Variants in KCNA2 observed in about 807,000 individuals in gnomAD.
KCNA2 encodes the protein potassium channel, voltage gated shaker related subfamily A, member 2.
KCNA2 carries 11 observed loss-of-function variants against 33.4 expected under a neutral mutation model. The observed-to-expected ratio is 0.33, with a 90% CI of 0.21 to 0.55. The LOEUF is 0.55. Ranked by LOEUF, KCNA2 falls within the 20% of genes least tolerant of loss-of-function variation. The pLI, the probability that KCNA2 is intolerant of heterozygous loss-of-function variation, is 0.93. For missense variants in KCNA2, 291 were observed against 621.6 expected, an observed-to-expected ratio of 0.47 and a Z score of 5.66; for synonymous variants, 222 against 231.3, an observed-to-expected ratio of 0.96 and a Z score of 0.37.
chr1:110,601,189 G>C lies in KCNA2; in HGVS notation c.*2094C>G, dbSNP rs1297349849. ...AGCAGCTCTGGTTGCCAGTTTAATG[G>C]GGAGAGAGTTTGGGTCTGGAGATCA... On this transcript the variant is annotated 3_prime_UTR_variant, in exon 3 of 3. Transcript: ENST00000316361. 10 of 985,284 alleles carry C rather than the reference G, an allele frequency of 1.0e-5. No individual in the cohort carries two copies. The highest frequency in any genetic ancestry group is 6.2e-5 in the Admixed American group (1 of 16,258). 61.0% of individuals were successfully genotyped at this position (985,284 alleles called of 1,614,324 possible). A position where few individuals can be genotyped will look rare whatever the true frequency, so the allele number is the denominator to read the frequency against.
At chr1:110,612,973 C>T (rs4839542) in intron 1 of KCNA2, among the ~76,000 whole-genome samples, 29,736 of 152,172 alleles carry the variant, frequency 0.2, 2,910 homozygotes, top group South Asian at 0.22. Flanking sequence ...CTCTCTGAGT[C>T]TCAGGTTCCA....
In KCNA2 at chr1:110,593,797, CCTA is replaced by C. The variant is rs1648968023; in HGVS notation, c.*9483_*9485del. ...TATAACCTATGTACAAATATCAGAC[CCTA>C]CTGACACAGGAACTCTCAGCTGCAG... On this transcript the variant is annotated 3_prime_UTR_variant, in exon 3 of 3. Transcript: ENST00000316361. The C allele has an allele frequency of 5.5e-6, 8 of 1,462,258 alleles. No homozygotes were observed. The highest frequency in any genetic ancestry group is 6.5e-6 in the Non-Finnish European group (7 of 1,075,486). The allele number at this position is 1,462,258 out of a possible 1,614,324, so 90.6% of individuals were successfully genotyped here.
At chr1:110,610,594 T>C (rs1266204712), upstream of KCNA2, among the ~76,000 whole-genome samples, 2 of 152,218 alleles carry the variant, frequency 1.3e-5, no homozygotes, top group Non-Finnish European at 1.5e-5. Context: ...AGCTGGTTAG[T>C]AGTGAGGCTG....
At chr1:110,631,429 A>G (rs1650558164) in exon 1 of KCNA2, 2 of 152,288 alleles carry the variant, frequency 1.3e-5, no homozygotes, top group African/African-American at 4.8e-5. Context: ...CTCCTGCAGA[A>G]GTCTTGGCGC....
Position 110,602,281 on chromosome 1 carries a change from A to G in KCNA2, c.*1002T>C, listed in dbSNP as rs1002100049. 3.7e-5 allele frequency: 55 copies of G among 1,500,740 alleles called. No individual in the cohort carries two copies. Among genetic ancestry groups the G allele is most frequent in the Non-Finnish European group, 6.2e-6 (7 of 1,127,590 alleles). The allele number at this position is 1,500,740 out of a possible 1,614,324, so 93.0% of individuals were successfully genotyped here. Reference sequence around the variant, plus strand: ...AGGGATTTTTGCCTTCTGATGGGAAAAAAACCCCTAGTTCAAGACCATTCC... The same window carrying G: ...AGGGATTTTTGCCTTCTGATGGGAAGAAAACCCCTAGTTCAAGACCATTCC... On this transcript the variant is annotated 3_prime_UTR_variant, in exon 3 of 3. Coordinates refer to ENST00000316361, the MANE Select transcript of KCNA2 (RefSeq NM_004974.4).
chr1:110,604,517 A>C lies in KCNA2; in HGVS notation c.266T>G (p.Leu89Trp). The C allele has an allele frequency of 6.2e-7, 1 of 1,614,258 alleles. No homozygotes were observed. Among genetic ancestry groups the C allele is most frequent in the Non-Finnish European group, 8.5e-7 (1 of 1,180,042 alleles). The change falls in exon 3 of 3, where the codon TTG (leucine) becomes TGG (tryptophan). Residue 89 changes from leucine to tryptophan, a missense_variant. Leu to Trp is a moderately conservative substitution (Grantham distance 61). Transcript: ENST00000316361. The surrounding 1 kb of genome is among the most constrained non-coding windows in gnomAD (Gnocchi z 7.6). ...TCGGCCCCCTGACTGGTAGTAGTAC[A>C]AAATGGCATCAAAGCTAGGGCGGTT... Reference protein sequence around the residue: ...DRNRPSFDAILYYYQSGGRLR... With the variant: ...DRNRPSFDAIWYYYQSGGRLR...
At position 110,603,099 on chromosome 1, in the gene KCNA2, A is replaced by G; in HGVS notation, c.*184T>C. 7.0e-7 allele frequency: 1 copy of G among 1,419,378 alleles called. No homozygotes were observed. Among genetic ancestry groups the G allele is most frequent in the South Asian group, 1.6e-5 (1 of 62,230 alleles). 87.9% of individuals were successfully genotyped at this position (1,419,378 alleles called of 1,614,324 possible). A position where few individuals can be genotyped will look rare whatever the true frequency, so the allele number is the denominator to read the frequency against. The stretch of plus-strand genomic sequence containing the variant: ...TCATAAGCCGGTGATGAGGATGTGC[A>G]TGAAAGCCATGATAGATATTCTGTG... On this transcript the variant is annotated 3_prime_UTR_variant, in exon 3 of 3. Coordinates refer to ENST00000316361, the MANE Select transcript of KCNA2 (RefSeq NM_004974.4). This position sits in a 1 kb window ranked among gnomAD's most constrained non-coding sequence, Gnocchi z 5.7.
chr1:110,629,406 T>C, intron 1 of KCNA2, among the ~76,000 whole-genome samples: 1 of 152,238 alleles, frequency 6.6e-6, no homozygotes, highest in Middle Eastern at 3.2e-3. Flanking sequence ...ATGAGACCTA[T>C]GTCCCTGACA....
At position 110,598,898 on chromosome 1, in the gene KCNA2, A is replaced by T. The variant is rs532529449; in HGVS notation, c.*4385T>A. On this transcript the variant is annotated 3_prime_UTR_variant, in exon 3 of 3. Transcript: ENST00000316361. ...ACTCAGCCACTCTCTCTTCCTGACA[A>T]TCTCTCCACCTTTCCTGGGCCTATT... 1 of 985,354 alleles carries T rather than the reference A, an allele frequency of 1.0e-6. No individual in the cohort carries two copies. Among genetic ancestry groups the T allele is most frequent in the Non-Finnish European group, 1.2e-6 (1 of 829,906 alleles). 61.0% of individuals were successfully genotyped at this position (985,354 alleles called of 1,614,324 possible).
intron 1 of KCNA2, among the ~76,000 whole-genome samples, chr1:110,625,901 T>C (rs986838942): frequency 1.8e-4 from 27 of 152,238 alleles, no homozygotes; most frequent in East Asian, 1.9e-4. Flanking sequence ...TGAGACATCA[T>C]ATTTTTTGAC....
chr1:110,613,819 G>T (rs1023313899), intron 1 of KCNA2, among the ~76,000 whole-genome samples: 1 of 152,152 alleles, frequency 6.6e-6, no homozygotes, highest in Non-Finnish European at 1.5e-5. Context: ...AGGCACTGTG[G>T]CTCCAGAATT....
chr1:110,608,773 A>C (rs892826032), upstream of KCNA2, among the ~76,000 whole-genome samples: 1 of 152,218 alleles, frequency 6.6e-6, no homozygotes, highest in African/African-American at 2.4e-5. Flanking sequence ...CCTAACAGTT[A>C]CTAGATAAGT....
chr1:110,602,365 T>G lies in KCNA2; in HGVS notation c.*918A>C. 4 of 1,409,528 alleles carry G rather than the reference T, an allele frequency of 2.8e-6. No homozygotes were observed. Among genetic ancestry groups the G allele is most frequent in the Non-Finnish European group, 3.7e-6 (4 of 1,087,042 alleles). 87.3% of individuals were successfully genotyped at this position (1,409,528 alleles called of 1,614,324 possible). The stretch of plus-strand genomic sequence containing the variant: ...TAGGCTACTAGGAAAATAGGTTATC[T>G]CCTGTGTTTTAAATATTGAGATTCA... On this transcript the variant is annotated 3_prime_UTR_variant, in exon 3 of 3. Coordinates refer to ENST00000316361, the MANE Select transcript of KCNA2 (RefSeq NM_004974.4).
rs1245839501 is a variant in KCNA2, at chr1:110,604,927, G to C, written c.-145C>G. ...AGCCCCGAGAGCTCTCTGAGAGCTG[G>C]AGAGACAGCCTCGCTTGGCTGAAAG... On this transcript the variant is annotated 5_prime_UTR_variant, in exon 3 of 3. Transcript: ENST00000316361. The surrounding 1 kb of genome is among the most constrained non-coding windows in gnomAD (Gnocchi z 7.6). The C allele has an allele frequency of 6.8e-6, 5 of 735,858 alleles. No homozygotes were observed. The highest frequency in any genetic ancestry group is 1.8e-5 in the African/African-American group (1 of 56,436). 45.6% of individuals were successfully genotyped at this position (735,858 alleles called of 1,614,324 possible).
Position 110,594,402 on chromosome 1 carries a change from C to T in KCNA2, c.*8881G>A. On this transcript the variant is annotated 3_prime_UTR_variant, in exon 3 of 3. Coordinates refer to ENST00000316361, the MANE Select transcript of KCNA2 (RefSeq NM_004974.4). ...CAGCCTATATAAGCACATAAGCACACAGGTCTGGAAAAGGAAATAGCATCC... is the reference window on the plus strand; with the variant it reads ...CAGCCTATATAAGCACATAAGCACATAGGTCTGGAAAAGGAAATAGCATCC... 1 of 985,006 alleles carries T rather than the reference C, an allele frequency of 1.0e-6. No homozygotes were observed. The highest frequency in any genetic ancestry group is 1.2e-6 in the Non-Finnish European group (1 of 829,906). The allele number at this position is 985,006 out of a possible 1,614,324, so 61.0% of individuals were successfully genotyped here.
chr1:110,629,492 G>A (rs1011850765), intron 1 of KCNA2, among the ~76,000 whole-genome samples: 15 of 152,238 alleles, frequency 9.9e-5, no homozygotes, highest in African/African-American at 3.6e-4. Flanking sequence ...TCCAGATGCT[G>A]TTAACGTTTG....
Position 110,596,065 on chromosome 1 carries a change from G to A in KCNA2, c.*7218C>T. On this transcript the variant is annotated 3_prime_UTR_variant, in exon 3 of 3. Transcript: ENST00000316361. ...GATCAGACTTCCCTTTTATCCCTGA[G>A]TCAGGCAGCCACCTGGGAGGGAAAG... 1 of 985,416 alleles carries A rather than the reference G, an allele frequency of 1.0e-6. No individual in the cohort carries two copies. Among genetic ancestry groups the A allele is most frequent in the Non-Finnish European group, 1.2e-6 (1 of 829,936 alleles). The allele number at this position is 985,416 out of a possible 1,614,324, so 61.0% of individuals were successfully genotyped here.
rs1649296701 is a variant in KCNA2, at chr1:110,600,572, A to G, written c.*2711T>C. 1 of 985,242 alleles carries G rather than the reference A, an allele frequency of 1.0e-6. No homozygotes were observed. Among genetic ancestry groups the G allele is most frequent in the Non-Finnish European group, 1.2e-6 (1 of 829,938 alleles). The allele number at this position is 985,242 out of a possible 1,614,324, so 61.0% of individuals were successfully genotyped here. A position where few individuals can be genotyped will look rare whatever the true frequency, so the allele number is the denominator to read the frequency against. ...GTTACATGTTTTATGTTTGTGTGTGACAACAGTGTACCTATTTTGTGGTGA... is the reference window on the plus strand; with the variant it reads ...GTTACATGTTTTATGTTTGTGTGTGGCAACAGTGTACCTATTTTGTGGTGA... On this transcript the variant is annotated 3_prime_UTR_variant, in exon 3 of 3. Transcript: ENST00000316361.
In KCNA2 at chr1:110,602,357, AG is replaced by A. The variant is rs370729847; in HGVS notation, c.*925del. 1.3e-3 allele frequency: 1,778 copies of A among 1,414,990 alleles called. 3 individuals carry two copies. The highest frequency in any genetic ancestry group is 1.4e-3 in the Non-Finnish European group (1,553 of 1,089,760). The allele number at this position is 1,414,990 out of a possible 1,614,324, so 87.7% of individuals were successfully genotyped here. On this transcript the variant is annotated 3_prime_UTR_variant, in exon 3 of 3. Coordinates refer to ENST00000316361, the MANE Select transcript of KCNA2 (RefSeq NM_004974.4). The stretch of plus-strand genomic sequence containing the variant: ...ACACTGTGTAGGCTACTAGGAAAAT[AG>A]GTTATCTCCTGTGTTTTAAATATTG...
Sources: gnomAD v4.1 joint callset for allele counts (sites outside exome capture counted in the v4.1 genomes callset) on GRCh38, gnomAD v4.1.1 for gene constraint, Gnocchi (gnomAD v3.1) non-coding constraint, MANE v1.5 for transcripts, NCBI Gene and HGNC (gene_info 2026-07-23, HGNC 2026-07-21) for gene names.